Variants in SYNDIG1L observed in about 807,000 individuals in gnomAD.
SYNDIG1L encodes the protein synapse differentiation-inducing gene protein 1-like.
Under a neutral mutation model 20.1 loss-of-function variants are expected in SYNDIG1L, and 13 were observed. That is an observed-to-expected ratio of 0.65 (90% CI 0.42 to 1.03). SYNDIG1L has a LOEUF of 1.03. Among genes scored for constraint, SYNDIG1L ranks in the 50% least tolerant of loss-of-function variants. The pLI is 0.00. For synonymous variants in SYNDIG1L, 128 were observed against 129.3 expected (o/e 0.99, Z 0.07); for missense variants, 294 against 305.1 (o/e 0.96, Z 0.27).
chr14:74,417,556 C>T (rs1457185735), intron 1 of SYNDIG1L, among the ~76,000 whole-genome samples: 4 of 152,312 alleles, frequency 2.6e-5, no homozygotes, highest in Middle Eastern at 6.8e-3. Flanking sequence ...CAAAACTTTA[C>T]AACAACAAAT....
At chr14:74,466,342 G>A in the SYNDIG1L span, among the ~76,000 whole-genome samples, 1 of 152,174 alleles carries the variant, frequency 6.6e-6, no homozygotes, top group Admixed American at 6.5e-5. Context: ...GGTTGGGTGG[G>A]TGGATAGATG....
At chr14:74,419,329 C>T (rs116028935) in intron 1 of SYNDIG1L, among the ~76,000 whole-genome samples, 233 of 152,272 alleles carry the variant, frequency 1.5e-3, no homozygotes, top group African/African-American at 4.9e-3. Context: ...GGGGTGGTAA[C>T]GGTCTGTCTT....
intron 1 of SYNDIG1L, among the ~76,000 whole-genome samples, chr14:74,413,837 G>A (rs566188635): frequency 7.9e-5 from 12 of 151,866 alleles, no homozygotes; most frequent in Non-Finnish European, 1.6e-4. Context: ...CTTCCATAAA[G>A]CAATCTGAGT....
chr14:74,477,039 A>AACACAC, the SYNDIG1L span, among the ~76,000 whole-genome samples: 251 of 96,996 alleles, frequency 2.6e-3, 2 homozygotes, highest in Non-Finnish European at 3.3e-3. Flanking sequence ...CCCCATTCCC[A>AACACAC]ACACACACAC....
At chr14:74,441,641 G>T in the SYNDIG1L span, among the ~76,000 whole-genome samples, 1 of 152,062 alleles carries the variant, frequency 6.6e-6, no homozygotes, top group South Asian at 2.1e-4. Context: ...AAGTACCTAG[G>T]ACTACAGGTG....
At position 74,409,414 on chromosome 14, in the gene SYNDIG1L, C is replaced by A. The variant is rs1225221000; in HGVS notation, c.331G>T (p.Ala111Ser). 6.2e-7 allele frequency: 1 copy of A among 1,613,690 alleles called. No individual in the cohort carries two copies. Among genetic ancestry groups the A allele is most frequent in the East Asian group, 2.2e-5 (1 of 44,864 alleles). The change falls in exon 2 of 4, where the codon GCT becomes TCT. Residue 111 changes from alanine to serine, a missense_variant. Coordinates refer to ENST00000331628, the MANE Select transcript of SYNDIG1L (RefSeq NM_001105579.2). ...PPEQPTGPGQ[A>S]AENVTIQTVS... ...GTCTGGATGGTGACATTCTCTGCAGCTTGGCCAGGTCCTGTGGGCTGCTCT... is the reference window on the plus strand; with the variant it reads ...GTCTGGATGGTGACATTCTCTGCAGATTGGCCAGGTCCTGTGGGCTGCTCT...
Position 74,409,408 on chromosome 14 carries a change from C to T in SYNDIG1L, c.337G>A (p.Glu113Lys), listed in dbSNP as rs1320621720. The T allele has an allele frequency of 3.1e-6, 5 of 1,613,474 alleles. No homozygotes were observed. The highest frequency in any genetic ancestry group is 4.2e-6 in the Non-Finnish European group (5 of 1,179,856). ...EQPTGPGQAA[E>K]NVTIQTVSYG... ...GACACAGTCTGGATGGTGACATTCT[C>T]TGCAGCTTGGCCAGGTCCTGTGGGC... The change falls in exon 2 of 4, where the codon GAG becomes AAG. Residue 113 changes from glutamate to lysine, a missense_variant. By Grantham distance (56) the Glu-to-Lys change is moderately conservative. Coordinates refer to ENST00000331628, the MANE Select transcript of SYNDIG1L (RefSeq NM_001105579.2).
the SYNDIG1L span, among the ~76,000 whole-genome samples, chr14:74,433,722 C>A: frequency 6.6e-6 from 1 of 152,128 alleles, no homozygotes; most frequent in Non-Finnish European, 1.5e-5. Context: ...AGGTAGGTAC[C>A]ATTATCATCC....
At chr14:74,454,132 T>A in the SYNDIG1L span, among the ~76,000 whole-genome samples, 1 of 152,218 alleles carries the variant, frequency 6.6e-6, no homozygotes, top group Non-Finnish European at 1.5e-5. Flanking sequence ...CAGATTTTTC[T>A]GACTCCGAAG....
At chr14:74,430,698 G>T (rs903449997), upstream of SYNDIG1L, among the ~76,000 whole-genome samples, 4 of 152,110 alleles carry the variant, frequency 2.6e-5, no homozygotes, top group Non-Finnish European at 5.9e-5. Flanking sequence ...GCCTCCCAAA[G>T]TGTTGGGATT....
chr14:74,422,047 A>C (rs1476868008), intron 1 of SYNDIG1L, among the ~76,000 whole-genome samples: 1 of 152,052 alleles, frequency 6.6e-6, no homozygotes, highest in East Asian at 1.9e-4. Context: ...AAATTAGTCC[A>C]TTTTCAGGTG....
At chr14:74,451,809 G>C in the SYNDIG1L span, among the ~76,000 whole-genome samples, 1 of 151,990 alleles carries the variant, frequency 6.6e-6, no homozygotes, top group African/African-American at 2.4e-5. Flanking sequence ...GGCCAACATA[G>C]CAAAACCCCG....
At chr14:74,454,621 G>A in the SYNDIG1L span, among the ~76,000 whole-genome samples, 6 of 152,248 alleles carry the variant, frequency 3.9e-5, no homozygotes, top group South Asian at 1.2e-3. Context: ...AGGGAATGTG[G>A]GTCAGTTCCT....
the SYNDIG1L span, among the ~76,000 whole-genome samples, chr14:74,434,810 G>A: frequency 1.3e-5 from 2 of 151,548 alleles, no homozygotes; most frequent in African/African-American, 2.4e-5. Flanking sequence ...GGCTGGGCGC[G>A]GTGGCTCACA....
chr14:74,414,710 C>T (rs772864043), intron 1 of SYNDIG1L, among the ~76,000 whole-genome samples: 1 of 152,210 alleles, frequency 6.6e-6, no homozygotes, highest in Non-Finnish European at 1.5e-5. Context: ...CTTACACTTA[C>T]TGAGTTTTTG....
At chr14:74,453,782 G>A in the SYNDIG1L span, among the ~76,000 whole-genome samples, 90 of 151,892 alleles carry the variant, frequency 5.9e-4, 7 homozygotes, top group African/African-American at 2.4e-4. Flanking sequence ...GTGAAACTCC[G>A]TCTCTACAAA....
the SYNDIG1L span, among the ~76,000 whole-genome samples, chr14:74,453,848 C>A: frequency 1.3e-5 from 2 of 151,998 alleles, no homozygotes; most frequent in East Asian, 3.9e-4. Context: ...CACCTGTAAT[C>A]CCAGCTACTT....
chr14:74,458,188 G>A, the SYNDIG1L span, among the ~76,000 whole-genome samples: 1 of 152,076 alleles, frequency 6.6e-6, no homozygotes, highest in African/African-American at 2.4e-5. Context: ...TGAGGACTGA[G>A]TGAGAAAATA....
intron 1 of SYNDIG1L, among the ~76,000 whole-genome samples, chr14:74,411,199 C>T (rs1342784033): frequency 6.6e-6 from 1 of 152,186 alleles, no homozygotes; most frequent in Non-Finnish European, 1.5e-5. Flanking sequence ...TTGGGCAGAT[C>T]TTCGTGCCCT....
Sources: gnomAD v4.1 joint callset for allele counts (sites outside exome capture counted in the v4.1 genomes callset) on GRCh38, gnomAD v4.1.1 for gene constraint, MANE v1.5 for transcripts, NCBI Gene and HGNC (gene_info 2026-07-23, HGNC 2026-07-21) for gene names.